The following RBFOX1 variants were observed in gnomAD, a reference collection of about 807,000 sequenced individuals.
RBFOX1 encodes the protein RNA binding fox-1 homolog 1.
In RBFOX1, 8 loss-of-function variants were observed where a neutral mutation model predicts 57.7. The observed-to-expected ratio is 0.14, with a 90% confidence interval of 0.08 to 0.25. RBFOX1 has a LOEUF of 0.25. RBFOX1 is among the 10% of genes least tolerant of loss of function. RBFOX1 has a pLI of 1.00. For synonymous variants in RBFOX1, 326 were observed against 222.4 expected, an observed-to-expected ratio of 1.47 and a Z score of -4.15; for missense variants, 611 against 548.5, an observed-to-expected ratio of 1.11 and a Z score of -1.14.
chr16:7,621,913 A>T lies in RBFOX1; in HGVS notation c.677-8690A>T, dbSNP rs150340956. Among the ~76,000 whole-genome samples the T allele has an allele frequency of 3.0e-4, 46 of 152,366 alleles. No individual in the cohort carries two copies. The East Asian group carries it at 8.1e-3, about 27-fold the overall frequency. The stretch of plus-strand genomic sequence containing the variant: ...CTGTCATTTTAGCAGAAAAGCAGCC[A>T]TACACAAAAATGAATAGATGTAGCT... On this transcript the variant is annotated intron_variant, in intron 10 of 15. Coordinates refer to ENST00000550418, the MANE Select transcript of RBFOX1 (RefSeq NM_018723.4).
intron 2 of RBFOX1, among the ~76,000 whole-genome samples, chr16:6,393,245 G>C (rs1007935229): frequency 4.6e-5 from 7 of 152,164 alleles, no homozygotes; most frequent in African/African-American, 1.7e-4. Flanking sequence ...AAATGACTCT[G>C]AGCATCCAGT....
At chr16:7,158,568 G>A (rs1382961329) in intron 4 of RBFOX1, among the ~76,000 whole-genome samples, 1 of 152,094 alleles carries the variant, frequency 6.6e-6, no homozygotes, top group Non-Finnish European at 1.5e-5. Context: ...TGTGTGGTGT[G>A]TGTTTGTGTG....
chr16:6,159,227 C>T (rs2096860027), intron 1 of RBFOX1, among the ~76,000 whole-genome samples: 1 of 152,138 alleles, frequency 6.6e-6, no homozygotes, highest in South Asian at 2.1e-4. Context: ...TAGACGCACA[C>T]CACCACACCC....
At chr16:6,963,733 C>G (rs1192596131) in intron 3 of RBFOX1, among the ~76,000 whole-genome samples, 3 of 152,088 alleles carry the variant, frequency 2.0e-5, no homozygotes, top group African/African-American at 2.4e-5. Context: ...GAGTCTTGCT[C>G]TGTTGCCCAG....
intron 3 of RBFOX1, among the ~76,000 whole-genome samples, chr16:6,931,472 C>T (rs138745010): frequency 3.9e-5 from 6 of 152,180 alleles, no homozygotes; most frequent in Admixed American, 6.5e-5. Flanking sequence ...AGGGTATAAT[C>T]CCAGAAGTAG....
At chr16:7,494,883 C>T (rs933090094) in intron 4 of RBFOX1, among the ~76,000 whole-genome samples, 33 of 125,508 alleles carry the variant, frequency 2.6e-4, no homozygotes, top group African/African-American at 1.0e-3. Flanking sequence ...ATTTTAGATA[C>T]AGGAGGTACA....
intron 1 of RBFOX1, among the ~76,000 whole-genome samples, chr16:6,117,867 C>A (rs1300071743): frequency 2.0e-5 from 3 of 152,186 alleles, no homozygotes; most frequent in Non-Finnish European, 2.9e-5. Flanking sequence ...CCCTAATGAT[C>A]TAGTTTCCTT....
chr16:7,445,754 G>C (rs748197650), intron 4 of RBFOX1, among the ~76,000 whole-genome samples: 1 of 152,154 alleles, frequency 6.6e-6, no homozygotes, highest in African/African-American at 2.4e-5. Context: ...TTTCACGCGG[G>C]TGACGTTTGG....
chr16:5,869,638 C>A (rs564304154), intron 4 of RBFOX1, among the ~76,000 whole-genome samples: 1 of 152,084 alleles, frequency 6.6e-6, no homozygotes, highest in East Asian at 1.9e-4. Context: ...TTGACCACCT[C>A]GTGATCTGCC....
In RBFOX1 at chr16:6,579,299, G is replaced by C. The variant is rs185652412; in HGVS notation, c.-63-75304G>C. ...GCTCTCTGTAGGCTTGATCTACTGGGCTCAAGCAGTCCTCCCACCTCGGTC... is the reference window on the plus strand; with the variant it reads ...GCTCTCTGTAGGCTTGATCTACTGGCCTCAAGCAGTCCTCCCACCTCGGTC... On this transcript the variant is annotated intron_variant, in intron 2 of 15. Coordinates refer to ENST00000550418, the MANE Select transcript of RBFOX1 (RefSeq NM_018723.4). 1.3e-4 allele frequency among the ~76,000 whole-genome samples: 20 copies of C among 152,150 alleles called. 1 individual carries two copies. In the East Asian group the frequency reaches 3.3e-3, roughly 25 times the overall value.
At chr16:6,110,656 A>G (rs1369366263) in intron 1 of RBFOX1, among the ~76,000 whole-genome samples, 1 of 152,166 alleles carries the variant, frequency 6.6e-6, no homozygotes, top group Non-Finnish European at 1.5e-5. Flanking sequence ...GTGGCATGAA[A>G]TAGGAACGGA....
intron 4 of RBFOX1, among the ~76,000 whole-genome samples, chr16:7,258,727 T>G (rs1226196935): frequency 6.6e-6 from 1 of 152,164 alleles, no homozygotes; most frequent in Non-Finnish European, 1.5e-5. Flanking sequence ...TTAATCTCAT[T>G]TGTCTCCCCA....
chr16:6,110,519 C>A (rs1033336399), intron 1 of RBFOX1, among the ~76,000 whole-genome samples: 2 of 152,094 alleles, frequency 1.3e-5, no homozygotes, highest in African/African-American at 4.8e-5. Context: ...GACTTAATGG[C>A]AGATTAAAAC....
chr16:5,957,416 T>G (rs1295521165), intron 4 of RBFOX1, among the ~76,000 whole-genome samples: 1 of 152,168 alleles, frequency 6.6e-6, no homozygotes, highest in Admixed American at 6.5e-5. Context: ...GGTTTCACCA[T>G]GTTGGTCATG....
chr16:7,323,779 A>G (rs1480646383), intron 4 of RBFOX1, among the ~76,000 whole-genome samples: 2 of 152,252 alleles, frequency 1.3e-5, no homozygotes, highest in Non-Finnish European at 2.9e-5. Flanking sequence ...TCTGTTAGTG[A>G]TGATGAAGAA....
intron 1 of RBFOX1, among the ~76,000 whole-genome samples, chr16:5,387,850 G>C: frequency 6.6e-6 from 1 of 152,162 alleles, no homozygotes; most frequent in Non-Finnish European, 1.5e-5. Context: ...TTGTCCCAGC[G>C]GGATTGATGT....
intron 6 of RBFOX1, among the ~76,000 whole-genome samples, chr16:7,581,857 C>T (rs1039643633): frequency 6.6e-6 from 1 of 152,054 alleles, no homozygotes; most frequent in Non-Finnish European, 1.5e-5. Context: ...ACTACAGGCA[C>T]AAGCCACCAT....
chr16:7,579,694 GC>G, intron 5 of RBFOX1, 82 bp from the exon 6 acceptor site: 1 of 1,536,606 alleles, frequency 6.5e-7, no homozygotes, highest in Non-Finnish European at 8.9e-7. Flanking sequence ...ATCTTTTCCT[GC>G]CACTCATGGC....
intron 2 of RBFOX1, among the ~76,000 whole-genome samples, chr16:6,393,284 A>G (rs2092685963): frequency 6.6e-6 from 1 of 152,210 alleles, no homozygotes; most frequent in African/African-American, 2.4e-5. Context: ...CTCAATCACA[A>G]CTATGAGTAT....
Sources: gnomAD v4.1 joint callset for allele counts (sites outside exome capture counted in the v4.1 genomes callset) on GRCh38, gnomAD v4.1.1 for gene constraint, MANE v1.5 for transcripts, NCBI Gene and HGNC (gene_info 2026-07-23, HGNC 2026-07-21) for gene names.